Variants in NTRK3 observed in about 807,000 individuals in gnomAD.
NTRK3 encodes NT-3 growth factor receptor.
Under a neutral mutation model 91.7 loss-of-function variants are expected in NTRK3, and 24 were observed. That is an observed-to-expected ratio of 0.26 (90% CI 0.19 to 0.37). The LOEUF is 0.37. Among genes scored for constraint, NTRK3 ranks in the 10% least tolerant of loss-of-function variants. The pLI, the probability that NTRK3 is intolerant of heterozygous loss-of-function variation, is 1.00. For synonymous variants in NTRK3, 483 were observed against 404.0 expected (o/e 1.20, Z -2.34); for missense variants, 880 against 1,068.9 (o/e 0.82, Z 2.46).
rs2051493813 is a variant in NTRK3 at position 88,234,421 on chromosome 15, G to T, written c.248+21485C>A. The stretch of plus-strand genomic sequence containing the variant: ...ATTATAAGAAGCCCATATTCCTTGG[G>T]CCTGCACAGTCTCTCCCCTCTCGAC... On this transcript the variant is annotated intron_variant, in intron 3 of 18. Coordinates refer to ENST00000394480, the Ensembl canonical transcript of NTRK3. The surrounding 1 kb of genome is among the most constrained non-coding windows in gnomAD (Gnocchi z 6.1). Among the ~76,000 whole-genome samples the T allele has an allele frequency of 6.6e-6, 1 of 152,134 alleles. No homozygotes were observed.
intron 13 of NTRK3, chr15:88,099,204 A>G (rs2279409): frequency 0.6 from 136,872 of 229,278 alleles, 42,811 homozygotes; most frequent in African/African-American, 0.82. Context: ...GCTTATTAGT[A>G]GAAAGATGGC....
At chr15:88,236,768 T>TAAA (rs375701404) in intron 3 of NTRK3, among the ~76,000 whole-genome samples, 3 of 111,216 alleles carry the variant, frequency 2.7e-5, no homozygotes, top group African/African-American at 6.5e-5. Flanking sequence ...CTACCAAAAT[T>TAAA]AAAAAAAAAA....
rs115507105 is a variant in NTRK3, at chr15:87,958,575, C to T, written c.1586-17822G>A. On this transcript the variant is annotated intron_variant, in intron 14 of 18. Coordinates refer to ENST00000394480, the Ensembl canonical transcript of NTRK3. ...TCCCATTCACTCAACGGCTCAAGCC[C>T]CTAGCCCAGGAGTTTTCCTTGATGA... Among the ~76,000 whole-genome samples the T allele has an allele frequency of 5.1e-3, 771 of 152,086 alleles. 4 individuals are homozygous for T. The highest frequency in any genetic ancestry group is 0.018 in the African/African-American group (748 of 41,452).
At chr15:87,901,763 G>GA (rs2066467167) in intron 17 of NTRK3, among the ~76,000 whole-genome samples, 1 of 143,828 alleles carries the variant, frequency 7.0e-6, no homozygotes, top group Non-Finnish European at 1.5e-5. Flanking sequence ...GAAAGTTGGG[G>GA]AGGGGGGGAG....
chr15:88,137,780 C>T (rs954042698), intron 6 of NTRK3, among the ~76,000 whole-genome samples: 5 of 152,160 alleles, frequency 3.3e-5, no homozygotes, highest in Middle Eastern at 3.2e-3. Context: ...CAGCCAGGTG[C>T]GGTGGCTCAT....
chr15:87,910,380 G>T (rs752340549), intron 17 of NTRK3, among the ~76,000 whole-genome samples: 1 of 152,166 alleles, frequency 6.6e-6, no homozygotes, highest in Non-Finnish European at 1.5e-5. Flanking sequence ...AAAGAGACAG[G>T]TTCAGAAATG....
intron 13 of NTRK3, among the ~76,000 whole-genome samples, chr15:88,081,990 A>G (rs2048087546): frequency 6.6e-6 from 1 of 152,110 alleles, no homozygotes; most frequent in Admixed American, 6.6e-5. Flanking sequence ...CATTCCTACA[A>G]CAATCTCCAA....
intron 13 of NTRK3, among the ~76,000 whole-genome samples, chr15:88,082,006 G>C (rs927393725): frequency 5.3e-5 from 8 of 152,138 alleles, no homozygotes; most frequent in African/African-American, 1.9e-4. Context: ...TCCAAGCTCA[G>C]ACTCTAAAAG....
At chr15:88,183,942 A>C (rs1002681927) in intron 4 of NTRK3, among the ~76,000 whole-genome samples, 2 of 151,926 alleles carry the variant, frequency 1.3e-5, no homozygotes, top group Non-Finnish European at 2.9e-5. Context: ...CTCACCCAGC[A>C]TGCCTGGGTT....
exon 19 of NTRK3, chr15:87,865,498 G>A (rs2064644338): frequency 4.6e-6 from 1 of 216,520 alleles, no homozygotes; most frequent in African/African-American, 2.3e-5. Context: ...GTGTGGTCTA[G>A]CATTTGCTCT....
intron 3 of NTRK3, among the ~76,000 whole-genome samples, chr15:88,248,634 C>G (rs1313846868): frequency 1.3e-5 from 2 of 152,082 alleles, no homozygotes; most frequent in East Asian, 3.9e-4. Context: ...GACTGCTTTC[C>G]CATTTACTGG....
chr15:88,002,625 A>T (rs116779249), intron 14 of NTRK3, among the ~76,000 whole-genome samples: 4,475 of 151,060 alleles, frequency 0.03, 239 homozygotes, highest in African/African-American at 0.1. Flanking sequence ...TGTAACTCTC[A>T]CCTTGAAATA....
chr15:88,111,911 T>TTTG lies in NTRK3; in HGVS notation c.1396+14359_1396+14360insCAA, dbSNP rs1470924754. 1.3e-3 allele frequency among the ~76,000 whole-genome samples: 175 copies of TTTG among 139,774 alleles called. 1 individual carries two copies. The Middle Eastern group carries it at 0.014, about 11-fold the overall frequency. 91.7% of individuals were successfully genotyped at this position (139,774 alleles called of 152,430 possible). On this transcript the variant is annotated intron_variant, in intron 13 of 18. Transcript: ENST00000394480. Reference sequence around the variant, plus strand: ...TTCTGGTTTTTTTTTTGTTTTTGTTTTTTTTTTTTGAGACAGACAGAGTCT... The same window carrying TTTG: ...TTCTGGTTTTTTTTTTGTTTTTGTTTTTGTTTTTTTTTGAGACAGACAGAGTCT...
intron 14 of NTRK3, among the ~76,000 whole-genome samples, chr15:88,004,512 G>A (rs1055211375): frequency 2.6e-5 from 4 of 152,178 alleles, no homozygotes; most frequent in Non-Finnish European, 5.9e-5. Context: ...GTCTCAATAT[G>A]TGCTACTCGG....
At chr15:88,129,256 T>A (rs750947083) in intron 10 of NTRK3, among the ~76,000 whole-genome samples, 1 of 152,224 alleles carries the variant, frequency 6.6e-6, no homozygotes, top group Non-Finnish European at 1.5e-5. Context: ...TGTTATTTGA[T>A]CTTTGGTCTC....
At chr15:88,163,212 A>T (rs895732635) in intron 5 of NTRK3, among the ~76,000 whole-genome samples, 2 of 152,164 alleles carry the variant, frequency 1.3e-5, no homozygotes, top group Admixed American at 6.5e-5. Context: ...CAAGCAATTC[A>T]TATTATCTAT....
At chr15:88,111,898 T>C (rs1328502902) in intron 13 of NTRK3, among the ~76,000 whole-genome samples, 1 of 97,360 alleles carries the variant, frequency 1.0e-5, no homozygotes, top group Non-Finnish European at 2.1e-5. Flanking sequence ...CTGGTTTTTT[T>C]TTTGTTTTTG....
intron 13 of NTRK3, among the ~76,000 whole-genome samples, chr15:88,119,381 C>T (rs140745491): frequency 3.8e-4 from 58 of 152,248 alleles, no homozygotes; most frequent in African/African-American, 1.2e-3. Context: ...TTATGTCCTG[C>T]CTGTGGATCT....
rs1248528460 is a variant in NTRK3, at chr15:88,176,671, C to T, written c.395+6747G>A. Among the ~76,000 whole-genome samples the T allele has an allele frequency of 2.6e-5, 4 of 152,298 alleles. No homozygotes were observed. The East Asian group carries it at 5.8e-4, about 22-fold the overall frequency. The stretch of plus-strand genomic sequence containing the variant: ...CTTGTCATCCAGAAAATGATCAAGT[C>T]AGACTAGAGTCACTTGTACATGCAA... On this transcript the variant is annotated intron_variant, in intron 5 of 18. Coordinates refer to ENST00000394480, the Ensembl canonical transcript of NTRK3.
Sources: allele counts gnomAD v4.1 joint callset (sites outside exome capture counted in the v4.1 genomes callset), GRCh38; gene constraint gnomAD v4.1.1; non-coding constraint Gnocchi (gnomAD v3.1); transcripts MANE v1.5; gene names NCBI Gene and HGNC (gene_info 2026-07-23, HGNC 2026-07-21).